HELZ: variants seen among roughly 807,000 people sequenced by gnomAD.
HELZ encodes the protein ATP-dependent RNA helicase with zinc finger domain.
Under a neutral mutation model 218.2 loss-of-function variants are expected in HELZ, and 23 were observed. The ratio of observed to expected loss-of-function variants is 0.11; its 90% confidence interval spans 0.08 to 0.15. HELZ has a LOEUF of 0.15. Among genes scored for constraint, HELZ ranks in the 10% least tolerant of loss-of-function variants. The pLI is 1.00. For missense variants in HELZ, 1,813 were observed against 2,353.7 expected, an observed-to-expected ratio of 0.77 and a Z score of 4.75; for synonymous variants, 814 against 829.4, an observed-to-expected ratio of 0.98 and a Z score of 0.32.
At chr17:67,143,592 AAGAG>A (rs1567837488) in intron 21 of HELZ, among the ~76,000 whole-genome samples, 1 of 152,084 alleles carries the variant, frequency 6.6e-6, no homozygotes, top group Non-Finnish European at 1.5e-5. Context: ...CTGGATGACA[AAGAG>A]AGACTCTGTC....
chr17:67,186,966 T>TA (rs1297219705), intron 12 of HELZ, among the ~76,000 whole-genome samples: 1 of 152,104 alleles, frequency 6.6e-6, no homozygotes, highest in Non-Finnish European at 1.5e-5. Context: ...TTTTTGAAAA[T>TA]AAAGTTTTAT....
intron 31 of HELZ, among the ~76,000 whole-genome samples, chr17:67,092,561 A>G (rs913557687): frequency 2.0e-5 from 3 of 152,240 alleles, no homozygotes; most frequent in Non-Finnish European, 4.4e-5. Flanking sequence ...AAAATCCGGG[A>G]AAAACGAAGG....
intron 32 of HELZ, among the ~76,000 whole-genome samples, chr17:67,080,067 A>AAATG (rs2036140998): frequency 6.6e-6 from 1 of 151,950 alleles, no homozygotes; most frequent in African/African-American, 2.4e-5. Flanking sequence ...GAAGTCAGAT[A>AAATG]TTTACATCTT....
intron 27 of HELZ, 148 bp from the exon 28 acceptor site, chr17:67,114,551 A>C (rs2037374821): frequency 1.9e-6 from 1 of 528,900 alleles, no homozygotes; most frequent in African/African-American, 1.9e-5. Context: ...TTTGTTCTTA[A>C]ATTTTCAGAG....
intron 3 of HELZ, among the ~76,000 whole-genome samples, chr17:67,233,567 A>C (rs1273246943): frequency 6.6e-6 from 1 of 151,944 alleles, no homozygotes. Context: ...TAATTGTGAG[A>C]CCTCACTGAG....
intron 5 of HELZ, among the ~76,000 whole-genome samples, chr17:67,207,985 C>A (rs1306684596): frequency 6.6e-6 from 1 of 152,146 alleles, no homozygotes; most frequent in East Asian, 1.9e-4. Flanking sequence ...GGCGACAGAG[C>A]AAGACCCTGT....
chr17:67,189,877 G>A (rs1334937614), intron 10 of HELZ, among the ~76,000 whole-genome samples, 181 bp from the exon 11 acceptor site: 1 of 152,104 alleles, frequency 6.6e-6, no homozygotes, highest in African/African-American at 2.4e-5. Context: ...GCTAAAATAA[G>A]AGAGAAAAGA....
intron 27 of HELZ, among the ~76,000 whole-genome samples, chr17:67,117,790 A>G (rs551874678): frequency 2.0e-5 from 3 of 152,278 alleles, no homozygotes; most frequent in African/African-American, 7.2e-5. Flanking sequence ...ACCTCAGGTA[A>G]TCTGCCCACC....
chr17:67,191,504 C>T (rs918628958), intron 9 of HELZ, among the ~76,000 whole-genome samples: 7 of 151,820 alleles, frequency 4.6e-5, no homozygotes, highest in Non-Finnish European at 8.8e-5. Context: ...CAGGCTAGAG[C>T]GCAGTGGCAC....
intron 28 of HELZ, 82 bp from the exon 29 acceptor site, chr17:67,109,768 C>G: frequency 1.0e-6 from 1 of 976,296 alleles, no homozygotes; most frequent in Non-Finnish European, 1.5e-6. Context: ...CCTAACACAT[C>G]TAAAGGATAT....
Position 67,188,500 on chromosome 17 carries a change from T to A in HELZ, c.981A>T (p.Glu327Asp), listed in dbSNP as rs1335832851. Residue 327 changes from glutamate to aspartate, a missense_variant, in exon 12 of 33, where the codon GAA becomes GAT. By Grantham distance (45) the Glu-to-Asp change is conservative. Coordinates refer to ENST00000358691, the MANE Select transcript of HELZ (RefSeq NM_014877.4). This position sits in a 1 kb window ranked among gnomAD's most constrained non-coding sequence, Gnocchi z 4.1. ...TTCCTCCTATCCATTCTTGACAGTT[T>A]TCTGGGACTTCTTGTGATACCTGGG... ...STTQVSQEVP[E>D]NCQEWIGGKM... is the part of the protein sequence containing the mutation. The A allele has an allele frequency of 6.2e-7, 1 of 1,613,974 alleles. No individual in the cohort carries two copies. Among genetic ancestry groups the A allele is most frequent in the Non-Finnish European group, 8.5e-7 (1 of 1,179,850 alleles).
intron 27 of HELZ, among the ~76,000 whole-genome samples, chr17:67,118,692 CAAAAAAAAAAAAA>C (rs142101119): frequency 6.7e-5 from 3 of 44,912 alleles, no homozygotes; most frequent in Non-Finnish European, 1.1e-4. Context: ...CTTTAAAAGG[CAAAAAAAAAAAAA>C]AAAAAAAAAA....
chr17:67,238,768 A>G (rs1267929422), intron 3 of HELZ, among the ~76,000 whole-genome samples: 1 of 152,210 alleles, frequency 6.6e-6, no homozygotes, highest in African/African-American at 2.4e-5. Context: ...TAGTATTACC[A>G]TTTTCTAAGT....
chr17:67,194,108 G>GT lies in HELZ; in HGVS notation c.482-67dup, dbSNP rs2144314331. The GT allele has an allele frequency of 3.6e-6, 4 of 1,105,370 alleles. No homozygotes were observed. The South Asian group carries it at 5.3e-5, about 15-fold the overall frequency. The allele number at this position is 1,105,370 out of a possible 1,614,324, so 68.5% of individuals were successfully genotyped here. On this transcript the variant is annotated intron_variant, in intron 8 of 32. Coordinates refer to ENST00000358691, the MANE Select transcript of HELZ (RefSeq NM_014877.4). ...GCCAGTAATTCTGATATTTTAATGTGTAAGAGATACTACAATCCCTCCACA... is the reference window on the plus strand; with the variant it reads ...GCCAGTAATTCTGATATTTTAATGTGTTAAGAGATACTACAATCCCTCCACA...
intron 28 of HELZ, 46 bp downstream of exon 28, chr17:67,114,278 A>G (rs2037365298): frequency 8.2e-7 from 1 of 1,225,868 alleles, no homozygotes; most frequent in South Asian, 1.2e-5. Flanking sequence ...CAAGATGACC[A>G]ATCAGACTAA....
chr17:67,114,844 A>T lies in HELZ; in HGVS notation c.3839-441T>A, dbSNP rs548972050. 1.4e-4 allele frequency among the ~76,000 whole-genome samples: 22 copies of T among 152,354 alleles called. No homozygotes were observed. In the South Asian group the frequency reaches 3.7e-3, roughly 26 times the overall value. ...GTAAAGGAATCTAAACATAATAAAG[A>T]TATTCAGAAAGTAATGTAGTTATAC... On this transcript the variant is annotated intron_variant, in intron 27 of 32. Transcript: ENST00000358691.
At chr17:67,117,619 G>A (rs1456371024) in intron 27 of HELZ, among the ~76,000 whole-genome samples, 2 of 148,178 alleles carry the variant, frequency 1.3e-5, no homozygotes, top group Non-Finnish European at 1.5e-5. Flanking sequence ...GTGTGATCTC[G>A]GCTCACTGCA....
chr17:67,073,128 T>C lies in HELZ; in HGVS notation c.*5124A>G, dbSNP rs2035936763. ...GACTTCTACTCTGTGTTGCAACCTA[T>C]GTAATTTGCCACCCTTTCCCCTTTA... On this transcript the variant is annotated 3_prime_UTR_variant, in exon 33 of 33. Transcript: ENST00000358691. 1.3e-5 allele frequency: 2 copies of C among 152,258 alleles called. No individual in the cohort carries two copies. Among genetic ancestry groups the C allele is most frequent in the African/African-American group, 4.8e-5 (2 of 41,468 alleles). 9.4% of individuals were successfully genotyped at this position (152,258 alleles called of 1,614,324 possible). A position where few individuals can be genotyped will look rare whatever the true frequency, so the allele number is the denominator to read the frequency against.
intron 12 of HELZ, among the ~76,000 whole-genome samples, chr17:67,182,681 T>C (rs888933371): frequency 6.6e-6 from 1 of 152,182 alleles, no homozygotes; most frequent in African/African-American, 2.4e-5. Context: ...CACCTAATCT[T>C]TTGAAGATAA....
Sources: gnomAD v4.1 joint callset for allele counts (sites outside exome capture counted in the v4.1 genomes callset) on GRCh38, gnomAD v4.1.1 for gene constraint, Gnocchi (gnomAD v3.1) non-coding constraint, MANE v1.5 for transcripts, NCBI Gene and HGNC (gene_info 2026-07-23, HGNC 2026-07-21) for gene names.